Variants in NEK1 observed in about 807,000 individuals in gnomAD.
NEK1 encodes the protein serine/threonine-protein kinase Nek1.
A neutral mutation model predicts 182.1 loss-of-function variants in NEK1; 137 were observed. The observed-to-expected ratio is 0.75, with a 90% CI of 0.65 to 0.87. The LOEUF (loss-of-function observed/expected upper bound fraction) is 0.87, where lower values mean the gene tolerates loss of function less well. Ranked by LOEUF, NEK1 falls within the 40% of genes least tolerant of loss-of-function variation. The pLI is 0.00. For synonymous variants in NEK1, 513 were observed against 492.2 expected, an observed-to-expected ratio of 1.04 and a Z score of -0.56; for missense variants, 1,391 against 1,494.4, an observed-to-expected ratio of 0.93 and a Z score of 1.14.
chr4:169,572,696 A>G (rs1030581030), intron 12 of NEK1, among the ~76,000 whole-genome samples: 1 of 152,236 alleles, frequency 6.6e-6, no homozygotes, highest in African/African-American at 2.4e-5. Flanking sequence ...TCAATGAGGT[A>G]GGAAGAAAAC....
chr4:169,577,681 G>A (rs1765925654), intron 11 of NEK1, among the ~76,000 whole-genome samples: 1 of 152,184 alleles, frequency 6.6e-6, no homozygotes, highest in South Asian at 2.1e-4. Context: ...GTGAACCCAG[G>A]AGGTGGAGCT....
intron 23 of NEK1, among the ~76,000 whole-genome samples, chr4:169,491,136 C>CAAAAAAAAAAAA (rs70964208): frequency 1.1e-4 from 5 of 45,912 alleles, no homozygotes; most frequent in African/African-American, 3.8e-4. Flanking sequence ...GACTCCATCT[C>CAAAAAAAAAAAA]AAAAAAAAAA....
chr4:169,576,791 G>T (rs1765750340), intron 12 of NEK1, 137 bp downstream of exon 12: 4 of 817,064 alleles, frequency 4.9e-6, no homozygotes, highest in Admixed American at 2.4e-5. Flanking sequence ...TAGAGGACTG[G>T]TAAAACACAG....
chr4:169,506,363 C>G (rs1331317770), intron 23 of NEK1, among the ~76,000 whole-genome samples: 3 of 152,076 alleles, frequency 2.0e-5, no homozygotes, highest in African/African-American at 7.2e-5. Flanking sequence ...ATAAATCTTA[C>G]AAGTAGCATT....
intron 11 of NEK1, among the ~76,000 whole-genome samples, chr4:169,580,017 A>T (rs1047848707): frequency 6.6e-6 from 1 of 152,144 alleles, no homozygotes; most frequent in Non-Finnish European, 1.5e-5. Flanking sequence ...ATTCAGGAAA[A>T]AAATAATTTC....
chr4:169,418,774 A>C (rs959011784), intron 31 of NEK1, among the ~76,000 whole-genome samples: 1 of 152,212 alleles, frequency 6.6e-6, no homozygotes, highest in African/African-American at 2.4e-5. Flanking sequence ...AGAGTCTAAC[A>C]TATGTAACTG....
intron 18 of NEK1, among the ~76,000 whole-genome samples, chr4:169,538,674 T>C (rs181912261): frequency 5.3e-5 from 8 of 152,224 alleles, no homozygotes; most frequent in African/African-American, 1.7e-4. Flanking sequence ...ATGGCATCAA[T>C]TGTAGTTAAT....
intron 5 of NEK1, among the ~76,000 whole-genome samples, chr4:169,594,481 T>G (rs190022954): frequency 1.2e-4 from 19 of 152,364 alleles, no homozygotes; most frequent in African/African-American, 4.6e-4. Context: ...CTGTGTAATT[T>G]GCTCAAAGAG....
intron 9 of NEK1, among the ~76,000 whole-genome samples, chr4:169,586,303 A>T (rs981919105): frequency 6.6e-6 from 1 of 152,082 alleles, no homozygotes; most frequent in Non-Finnish European, 1.5e-5. Flanking sequence ...TAAATTAGGC[A>T]TCAGTGATTA....
At chr4:169,591,144 G>GCCC (rs553204329) in intron 5 of NEK1, among the ~76,000 whole-genome samples, 8 of 134,554 alleles carry the variant, frequency 5.9e-5, no homozygotes, top group African/African-American at 2.5e-4. Flanking sequence ...TTTCTATAAC[G>GCCC]CCCCCCCCCC....
chr4:169,443,086 T>TCTATCTATCTAC (rs1739820222), intron 27 of NEK1, among the ~76,000 whole-genome samples: 1 of 148,226 alleles, frequency 6.7e-6, no homozygotes, highest in South Asian at 2.2e-4. Context: ...TATCTATCTA[T>TCTATCTATCTAC]CTATCTATCT....
intron 19 of NEK1, among the ~76,000 whole-genome samples, chr4:169,531,142 T>A (rs1757610995): frequency 6.6e-6 from 1 of 151,762 alleles, no homozygotes; most frequent in Admixed American, 6.6e-5. Flanking sequence ...AAATAAAGGG[T>A]AAATCAAGAG....
chr4:169,518,518 T>C (rs968282561), intron 19 of NEK1, among the ~76,000 whole-genome samples: 2 of 101,252 alleles, frequency 2.0e-5, no homozygotes, highest in African/African-American at 1.1e-4. Context: ...AGTTCTGCTC[T>C]GATTTTAGTT....
intron 32 of NEK1, among the ~76,000 whole-genome samples, chr4:169,403,821 GAA>G (rs2111059876): frequency 6.6e-6 from 1 of 152,046 alleles, no homozygotes; most frequent in South Asian, 2.1e-4. Context: ...ATTTGGTCTT[GAA>G]TTCAGTTTTT....
chr4:169,407,222 C>G (rs78225148), intron 31 of NEK1, among the ~76,000 whole-genome samples: 3,629 of 152,306 alleles, frequency 0.024, 120 homozygotes, highest in African/African-American at 0.08. Context: ...CTCTCATCTT[C>G]CTATGGTCAA....
intron 12 of NEK1, among the ~76,000 whole-genome samples, chr4:169,567,819 A>T (rs966281615): frequency 6.6e-6 from 1 of 152,208 alleles, no homozygotes; most frequent in Non-Finnish European, 1.5e-5. Context: ...TCTGCCTGAA[A>T]TTCAAAACAT....
intron 23 of NEK1, among the ~76,000 whole-genome samples, chr4:169,505,068 CAG>C (rs1011449233): frequency 1.3e-5 from 2 of 151,650 alleles, no homozygotes; most frequent in Admixed American, 6.6e-5. Flanking sequence ...TTACAGAAAA[CAG>C]GGGAAACAGC....
chr4:169,401,290 A>C (rs1731637513), intron 33 of NEK1, among the ~76,000 whole-genome samples: 1 of 152,172 alleles, frequency 6.6e-6, no homozygotes, highest in Non-Finnish European at 1.5e-5. Context: ...TACTTTAAAA[A>C]CTGCTTTCAG....
chr4:169,425,819 A>T (rs1736290717), intron 30 of NEK1, among the ~76,000 whole-genome samples: 1 of 152,176 alleles, frequency 6.6e-6, no homozygotes, highest in South Asian at 2.1e-4. Context: ...CACCCAGCCT[A>T]CCTTTCTTAC....
Sources: allele counts gnomAD v4.1 joint callset (sites outside exome capture counted in the v4.1 genomes callset), GRCh38; gene constraint gnomAD v4.1.1; transcripts MANE v1.5; gene names NCBI Gene and HGNC (gene_info 2026-07-23, HGNC 2026-07-21).